PPP4R3B: variants seen among roughly 807,000 people sequenced by gnomAD.
PPP4R3B encodes serine/threonine-protein phosphatase 4 regulatory subunit 3B.
A neutral mutation model predicts 95.4 loss-of-function variants in PPP4R3B; 52 were observed. The observed-to-expected ratio is 0.54, with a 90% CI of 0.44 to 0.69. The LOEUF (loss-of-function observed/expected upper bound fraction) is 0.69, where lower values mean the gene tolerates loss of function less well. Among genes scored for constraint, PPP4R3B ranks in the 30% least tolerant of loss-of-function variants. The pLI, the probability that PPP4R3B is intolerant of heterozygous loss-of-function variation, is 0.00. For missense variants in PPP4R3B, 1,003 were observed against 1,005.9 expected (o/e 1.00, Z 0.04); for synonymous variants, 407 against 343.9 (o/e 1.18, Z -2.03).
chr2:55,551,568 T>C (rs1027174187), intron 16 of PPP4R3B, among the ~76,000 whole-genome samples: 2 of 151,986 alleles, frequency 1.3e-5, no homozygotes, highest in Admixed American at 1.3e-4. Flanking sequence ...CTGACCAACA[T>C]GGTGAAACCC....
chr2:55,567,460 A>G (rs1687458954), intron 13 of PPP4R3B, among the ~76,000 whole-genome samples: 1 of 151,990 alleles, frequency 6.6e-6, no homozygotes, highest in Admixed American at 6.6e-5. Context: ...TCTGTCACCC[A>G]GGCTGGAATG....
At chr2:55,587,595 A>G (rs1376884406) in intron 5 of PPP4R3B, among the ~76,000 whole-genome samples, 1 of 152,256 alleles carries the variant, frequency 6.6e-6, no homozygotes, top group Non-Finnish European at 1.5e-5. Context: ...AAAAGAAAAA[A>G]TAAAAAACGA....
intron 4 of PPP4R3B, among the ~76,000 whole-genome samples, chr2:55,597,729 A>G (rs969868286): frequency 6.6e-6 from 1 of 152,216 alleles, no homozygotes; most frequent in Non-Finnish European, 1.5e-5. Context: ...TGAACCCAGG[A>G]GGCAGAGGTT....
rs542862337 is a variant in PPP4R3B at position 55,591,298 on chromosome 2, G to A, written c.922-2342C>T. On this transcript the variant is annotated intron_variant, in intron 4 of 16. Transcript: ENST00000616407. ...ACTGCGGGCACGTGCCACCATACCTGGCTATTTTTTTTTTAATTTTTTGTA... is the reference window on the plus strand; with the variant it reads ...ACTGCGGGCACGTGCCACCATACCTAGCTATTTTTTTTTTAATTTTTTGTA... Among the ~76,000 whole-genome samples, 42 of 150,600 alleles carry A rather than the reference G, an allele frequency of 2.8e-4. 1 individual carries two copies. The highest frequency in any genetic ancestry group is 6.2e-4 in the Non-Finnish European group (42 of 67,862).
At chr2:55,601,450 G>A (rs960364022) in intron 3 of PPP4R3B, among the ~76,000 whole-genome samples, 6 of 150,796 alleles carry the variant, frequency 4.0e-5, no homozygotes, top group Non-Finnish European at 7.4e-5. Flanking sequence ...GCGCGATCTC[G>A]GCTCACTGCA....
At chr2:55,593,015 C>T (rs1207465336) in intron 4 of PPP4R3B, among the ~76,000 whole-genome samples, 1 of 152,154 alleles carries the variant, frequency 6.6e-6, no homozygotes, top group Admixed American at 6.5e-5. Flanking sequence ...AAAAATTAGC[C>T]AGGCATGGTG....
intron 2 of PPP4R3B, among the ~76,000 whole-genome samples, chr2:55,606,748 G>A (rs970663005): frequency 4.0e-5 from 6 of 150,584 alleles, no homozygotes; most frequent in East Asian, 2.0e-4. Context: ...GCTTGAACCC[G>A]GGAGGTGGAG....
intron 8 of PPP4R3B, among the ~76,000 whole-genome samples, chr2:55,581,177 C>T (rs890934029): frequency 6.6e-6 from 1 of 152,020 alleles, no homozygotes; most frequent in Non-Finnish European, 1.5e-5. Context: ...CGCTTGAACC[C>T]GAGAGGCGGA....
intron 8 of PPP4R3B, among the ~76,000 whole-genome samples, chr2:55,580,953 G>T (rs756580729): frequency 1.3e-5 from 2 of 151,966 alleles, no homozygotes; most frequent in Non-Finnish European, 2.9e-5. Flanking sequence ...CATAAAACTT[G>T]CTATTTAAAA....
At chr2:55,599,173 C>A in intron 3 of PPP4R3B, 134 bp from the exon 4 acceptor site, 4 of 827,870 alleles carry the variant, frequency 4.8e-6, no homozygotes, top group Non-Finnish European at 7.3e-6. Flanking sequence ...CACGGTGGCT[C>A]ACGCCTGTAA....
intron 13 of PPP4R3B, 51 bp downstream of exon 13, chr2:55,568,143 A>G (rs1308016699): frequency 6.5e-6 from 8 of 1,233,506 alleles, no homozygotes; most frequent in Non-Finnish European, 8.4e-6. Context: ...TTACATAAAA[A>G]ATTATTTACA....
chr2:55,578,382 C>T, intron 9 of PPP4R3B, 40 bp from the exon 10 acceptor site: 4 of 1,316,296 alleles, frequency 3.0e-6, no homozygotes, highest in Non-Finnish European at 3.9e-6. Context: ...ATAAAGCCAA[C>T]AGGGAGTATA....
intron 2 of PPP4R3B, among the ~76,000 whole-genome samples, chr2:55,609,499 T>C (rs1693869506): frequency 6.6e-6 from 1 of 151,916 alleles, no homozygotes; most frequent in African/African-American, 2.4e-5. Flanking sequence ...CTGAGCAACA[T>C]GGCATAATCC....
chr2:55,614,199 C>T (rs1339442042), intron 2 of PPP4R3B: 1 of 152,100 alleles, frequency 6.6e-6, no homozygotes, highest in Non-Finnish European at 1.5e-5. Context: ...AATTTTATTC[C>T]TCCAACTACG....
Position 55,573,782 on chromosome 2 carries a change from A to G in PPP4R3B, c.1607-5T>C, listed in dbSNP as rs1187213064. 2.0e-6 allele frequency: 3 copies of G among 1,487,720 alleles called. No homozygotes were observed. The South Asian group carries it at 4.1e-5, about 20-fold the overall frequency. 92.2% of individuals were successfully genotyped at this position (1,487,720 alleles called of 1,614,324 possible). A position where few individuals can be genotyped will look rare whatever the true frequency, so the allele number is the denominator to read the frequency against. ...GCTGTGCTGTTTGATAATTATCTAC[A>G]AAAGAAAGTAATCTCATGAAAATAA... is the stretch of plus-strand genomic sequence containing the variant. On this transcript the variant is annotated splice_region_variant and splice_polypyrimidine_tract_variant and intron_variant, in intron 11 of 16. Coordinates refer to ENST00000616407, the MANE Select transcript of PPP4R3B (RefSeq NM_001122964.3).
chr2:55,554,680 T>A (rs1462507522), intron 16 of PPP4R3B, among the ~76,000 whole-genome samples: 1 of 152,216 alleles, frequency 6.6e-6, no homozygotes, highest in Non-Finnish European at 1.5e-5. Context: ...AAATATTTCC[T>A]CCCATTTTGT....
chr2:55,616,321 TTAAAA>T (rs1694917297), intron 1 of PPP4R3B, among the ~76,000 whole-genome samples: 1 of 152,158 alleles, frequency 6.6e-6, no homozygotes, highest in African/African-American at 2.4e-5. Context: ...TGATGACTAT[TTAAAA>T]TAAAAGGGAA....
At chr2:55,579,976 C>T (rs1689223683) in intron 8 of PPP4R3B, among the ~76,000 whole-genome samples, 195 bp from the exon 9 acceptor site, 1 of 152,014 alleles carries the variant, frequency 6.6e-6, no homozygotes, top group Non-Finnish European at 1.5e-5. Flanking sequence ...GAACCAAAAA[C>T]TAACTATATT....
chr2:55,558,926 G>A lies in PPP4R3B; in HGVS notation c.2303C>T (p.Ser768Phe), dbSNP rs1686212998. ...GAAAGTAAATTTGAAGCCACCAGGA[G>A]ATGTCCTTTTGGGAAGGTTTTCCTT... ...EDKENLPKRT[S>F]PGGFKFTFSH... Residue 768 changes from serine to phenylalanine, a missense_variant, in exon 16 of 17, where the codon TCT becomes TTT. By Grantham distance (155) the Ser-to-Phe change is radical (BLOSUM62 -2). Coordinates refer to ENST00000616407, the MANE Select transcript of PPP4R3B (RefSeq NM_001122964.3). The A allele has an allele frequency of 6.2e-7, 1 of 1,612,760 alleles. No homozygotes were observed. The highest frequency in any genetic ancestry group is 8.5e-7 in the Non-Finnish European group (1 of 1,179,538).
Sources: gnomAD v4.1 joint callset for allele counts (sites outside exome capture counted in the v4.1 genomes callset) on GRCh38, gnomAD v4.1.1 for gene constraint, MANE v1.5 for transcripts, NCBI Gene and HGNC (gene_info 2026-07-23, HGNC 2026-07-21) for gene names.